RNF180: variants seen among roughly 807,000 people sequenced by gnomAD.
RNF180 encodes the protein ring finger protein 180.
RNF180 carries 38 observed loss-of-function variants against 59.2 expected under a neutral mutation model. That is an observed-to-expected ratio of 0.64 (90% confidence interval 0.50 to 0.84). RNF180 has a LOEUF of 0.84. Among genes scored for constraint, RNF180 ranks in the 40% least tolerant of loss-of-function variants. The pLI, the probability that RNF180 is intolerant of heterozygous loss-of-function variation, is 0.00. For missense variants in RNF180, 705 were observed against 700.9 expected, an observed-to-expected ratio of 1.01 and a Z score of -0.07; for synonymous variants, 262 against 240.3, an observed-to-expected ratio of 1.09 and a Z score of -0.84.
intron 5 of RNF180, among the ~76,000 whole-genome samples, chr5:64,268,047 A>C (rs1467969684): frequency 6.6e-6 from 1 of 152,200 alleles, no homozygotes; most frequent in Non-Finnish European, 1.5e-5. Flanking sequence ...CATGGGTCAC[A>C]GTTTAAGAAA....
At chr5:64,272,647 C>T (rs6875705) in intron 5 of RNF180, among the ~76,000 whole-genome samples, 5 of 151,480 alleles carry the variant, frequency 3.3e-5, no homozygotes, top group Admixed American at 6.6e-5. Flanking sequence ...AGGATGGTAA[C>T]GAAAATTAAT....
intron 1 of RNF180, among the ~76,000 whole-genome samples, chr5:64,188,103 T>G (rs1195433960): frequency 6.6e-6 from 1 of 152,130 alleles, no homozygotes; most frequent in Non-Finnish European, 1.5e-5. Flanking sequence ...TACAAAATAA[T>G]TAATATCTGT....
At chr5:64,184,743 C>T (rs1447057688) in intron 1 of RNF180, among the ~76,000 whole-genome samples, 2 of 152,128 alleles carry the variant, frequency 1.3e-5, no homozygotes, top group Non-Finnish European at 2.9e-5. Context: ...CTTTGGAACA[C>T]CTGGCGGATA....
chr5:64,249,600 C>G (rs866117394), intron 5 of RNF180, among the ~76,000 whole-genome samples: 6 of 151,488 alleles, frequency 4.0e-5, no homozygotes, highest in Non-Finnish European at 8.8e-5. Context: ...TCTAAAGACA[C>G]ATGTAGGCTG....
intron 7 of RNF180, among the ~76,000 whole-genome samples, chr5:64,348,573 T>G (rs907711191): frequency 6.6e-6 from 1 of 152,060 alleles, no homozygotes; most frequent in Non-Finnish European, 1.5e-5. Context: ...CAGCAGAGCT[T>G]TGAAAAGATA....
At chr5:64,240,321 G>C (rs1742730634) in intron 5 of RNF180, among the ~76,000 whole-genome samples, 2 of 152,242 alleles carry the variant, frequency 1.3e-5, no homozygotes, top group South Asian at 4.1e-4. Flanking sequence ...AATTAAATCT[G>C]ATAAAATTTG....
chr5:64,351,897 C>A (rs1175184827), intron 7 of RNF180, among the ~76,000 whole-genome samples: 1 of 152,114 alleles, frequency 6.6e-6, no homozygotes, highest in Non-Finnish European at 1.5e-5. Context: ...GCTTTGGTAT[C>A]AGGATGATTC....
chr5:64,310,954 G>A (rs576093777), intron 5 of RNF180, among the ~76,000 whole-genome samples: 1 of 151,852 alleles, frequency 6.6e-6, no homozygotes, highest in African/African-American at 2.4e-5. Context: ...TAAGGACCTG[G>A]GAAGAATAAT....
At chr5:64,347,875 G>T (rs1304041702) in intron 7 of RNF180, among the ~76,000 whole-genome samples, 1 of 152,104 alleles carries the variant, frequency 6.6e-6, no homozygotes, top group Non-Finnish European at 1.5e-5. Context: ...TGCTGGCAAT[G>T]AAGTGGTTTT....
chr5:64,233,779 A>G (rs1742239179), intron 5 of RNF180, among the ~76,000 whole-genome samples: 1 of 152,232 alleles, frequency 6.6e-6, no homozygotes, highest in African/African-American at 2.4e-5. Flanking sequence ...ATTTAAAAGA[A>G]AAAGAAAAAT....
At chr5:64,255,235 G>A (rs1743862864) in intron 5 of RNF180, among the ~76,000 whole-genome samples, 1 of 151,992 alleles carries the variant, frequency 6.6e-6, no homozygotes, top group Admixed American at 6.6e-5. Context: ...TTAAGTTCTA[G>A]GGTACATGTG....
chr5:64,317,676 T>A (rs1316737741), intron 5 of RNF180, among the ~76,000 whole-genome samples: 1 of 151,438 alleles, frequency 6.6e-6, no homozygotes, highest in Non-Finnish European at 1.5e-5. Flanking sequence ...CCACAGAGGA[T>A]ATGGTCCAAG....
chr5:64,227,868 A>C (rs1741868247), intron 5 of RNF180, among the ~76,000 whole-genome samples: 1 of 152,220 alleles, frequency 6.6e-6, no homozygotes, highest in African/African-American at 2.4e-5. Context: ...ATGTCAACCA[A>C]GATGTACACT....
chr5:64,330,614 G>A (rs989878896), intron 7 of RNF180, among the ~76,000 whole-genome samples: 12 of 152,198 alleles, frequency 7.9e-5, no homozygotes, highest in African/African-American at 2.2e-4. Flanking sequence ...GAGCAAATCC[G>A]AAGACTCATG....
At chr5:64,350,706 A>G (rs1745765767) in intron 7 of RNF180, among the ~76,000 whole-genome samples, 1 of 152,126 alleles carries the variant, frequency 6.6e-6, no homozygotes, top group Non-Finnish European at 1.5e-5. Context: ...TTTGTCAAAG[A>G]TCAGATGGTT....
At position 64,208,995 on chromosome 5, in the gene RNF180, A is replaced by T. The variant is rs541834897; in HGVS notation, c.136-3070A>T. The stretch of plus-strand genomic sequence containing the variant: ...AGATATGCTTCAGTTTTAGTTTTAT[A>T]AGCGTTAGAGAAGAATAGCAGTATC... On this transcript the variant is annotated intron_variant, in intron 2 of 7. Coordinates refer to ENST00000389100, the MANE Select transcript of RNF180 (RefSeq NM_001113561.2). 1.4e-4 allele frequency among the ~76,000 whole-genome samples: 21 copies of T among 152,096 alleles called. No homozygotes were observed. In the South Asian group the frequency reaches 3.3e-3, roughly 24 times the overall value.
chr5:64,282,470 A>G (rs1222417919), intron 5 of RNF180, among the ~76,000 whole-genome samples: 1 of 151,938 alleles, frequency 6.6e-6, no homozygotes, highest in South Asian at 2.1e-4. Flanking sequence ...TTAATCTTCC[A>G]TATTCTTTCA....
chr5:64,368,046 G>T (rs1221730042), intron 7 of RNF180, among the ~76,000 whole-genome samples: 2 of 151,656 alleles, frequency 1.3e-5, no homozygotes, highest in Non-Finnish European at 3.0e-5. Flanking sequence ...AAAGAAAATT[G>T]TATTTCATGA....
At chr5:64,321,311 C>T (rs1303781476) in intron 5 of RNF180, among the ~76,000 whole-genome samples, 1 of 152,092 alleles carries the variant, frequency 6.6e-6, no homozygotes, top group Non-Finnish European at 1.5e-5. Context: ...AGCTGATAAG[C>T]AACTTCAGCA....
Sources: allele counts gnomAD v4.1 joint callset (sites outside exome capture counted in the v4.1 genomes callset), GRCh38; gene constraint gnomAD v4.1.1; transcripts MANE v1.5; gene names NCBI Gene and HGNC (gene_info 2026-07-23, HGNC 2026-07-21).